PPM1L: variants seen among roughly 807,000 people sequenced by gnomAD.
The protein encoded by PPM1L is protein phosphatase, Mg2+/Mn2+ dependent 1L, also known as protein phosphatase 1L.
A neutral mutation model predicts 31.4 loss-of-function variants in PPM1L; 13 were observed. The observed-to-expected ratio is 0.41, with a 90% CI of 0.27 to 0.66. The LOEUF (loss-of-function observed/expected upper bound fraction) is 0.66. Among genes scored for constraint, PPM1L ranks in the 30% least tolerant of loss-of-function variants. The probability of loss-of-function intolerance (pLI) is 0.29; values close to 1 mark genes in which losing one functional copy is unlikely to be tolerated. For synonymous variants in PPM1L, 184 were observed against 175.4 expected (o/e 1.05, Z -0.39); for missense variants, 326 against 453.7 (o/e 0.72, Z 2.56).
At chr3:161,017,461 A>G (rs1268033144) in intron 2 of PPM1L, among the ~76,000 whole-genome samples, 1 of 152,146 alleles carries the variant, frequency 6.6e-6, no homozygotes, top group Non-Finnish European at 1.5e-5. Flanking sequence ...AAAACCTTCA[A>G]GTTTCGAGTA....
chr3:160,970,342 C>CA (rs1175858206), intron 2 of PPM1L, among the ~76,000 whole-genome samples: 1 of 151,822 alleles, frequency 6.6e-6, no homozygotes, highest in Non-Finnish European at 1.5e-5. Context: ...AATGGGTACT[C>CA]AAAATCCACT....
At chr3:160,872,805 T>C (rs560329549) in intron 1 of PPM1L, among the ~76,000 whole-genome samples, 70 of 152,196 alleles carry the variant, frequency 4.6e-4, no homozygotes, top group African/African-American at 1.6e-3. Context: ...CAGGCGCCTC[T>C]AGTCCCAGCC....
rs191044838 is a variant in PPM1L, at chr3:160,919,848, A to G, written c.400-41888A>G. Among the ~76,000 whole-genome samples, 348 of 152,302 alleles carry G rather than the reference A, an allele frequency of 2.3e-3. 2 individuals carry two copies. The highest frequency in any genetic ancestry group is 7.8e-3 in the African/African-American group (326 of 41,558). ...AATTGCTCTGTGAAACCTGGGCTCAATAAAACATTTTGTTTTCTTTTTATT... is the reference window on the plus strand; with the variant it reads ...AATTGCTCTGTGAAACCTGGGCTCAGTAAAACATTTTGTTTTCTTTTTATT... On this transcript the variant is annotated intron_variant, in intron 1 of 3. Transcript: ENST00000498165.
At chr3:160,848,152 A>G (rs1376037805) in intron 1 of PPM1L, among the ~76,000 whole-genome samples, 1 of 152,224 alleles carries the variant, frequency 6.6e-6, no homozygotes, top group Non-Finnish European at 1.5e-5. Context: ...GTATTCTGGA[A>G]TTAATGAATA....
At chr3:160,998,530 C>A (rs1717392926) in intron 2 of PPM1L, among the ~76,000 whole-genome samples, 1 of 152,002 alleles carries the variant, frequency 6.6e-6, no homozygotes, top group Non-Finnish European at 1.5e-5. Context: ...TCATTACCTT[C>A]TTCAGGGTCA....
intron 1 of PPM1L, among the ~76,000 whole-genome samples, chr3:160,785,854 A>G (rs1158307229): frequency 7.6e-6 from 1 of 130,844 alleles, no homozygotes; most frequent in Non-Finnish European, 1.6e-5. Context: ...TTTTTTACAT[A>G]TGTCTTTCCC....
At chr3:160,872,905 C>T (rs55956394) in intron 1 of PPM1L, among the ~76,000 whole-genome samples, 56,390 of 151,784 alleles carry the variant, frequency 0.37, 13,343 homozygotes, top group Non-Finnish European at 0.53. Context: ...CCAGCCTGGG[C>T]GGCACAGCGG....
At chr3:160,836,316 A>AAGAGAGAGAG (rs113812255) in intron 1 of PPM1L, among the ~76,000 whole-genome samples, 1 of 147,628 alleles carries the variant, frequency 6.8e-6, no homozygotes, top group African/African-American at 2.5e-5. Context: ...GAAGGAAAGG[A>AAGAGAGAGAG]AGAGAGAGAG....
chr3:160,976,040 T>A (rs1716559596), intron 2 of PPM1L, among the ~76,000 whole-genome samples: 1 of 132,188 alleles, frequency 7.6e-6, no homozygotes, highest in Non-Finnish European at 1.6e-5. Context: ...TATTTTGAAA[T>A]ACGTCCCATC....
At chr3:160,808,383 C>CTGTGTGTGTGTGTGTGTGTGTGTG (rs71912617) in intron 1 of PPM1L, among the ~76,000 whole-genome samples, 1 of 110,310 alleles carries the variant, frequency 9.1e-6, no homozygotes, top group Admixed American at 8.6e-5. Flanking sequence ...CAGGATTTTC[C>CTGTGTGTGTGTGTGTGTGTGTGTG]TGTGTGTGTG....
intron 2 of PPM1L, among the ~76,000 whole-genome samples, chr3:160,983,365 C>A (rs1473183882): frequency 6.6e-6 from 1 of 151,726 alleles, no homozygotes; most frequent in Non-Finnish European, 1.5e-5. Context: ...CAGCATTCCA[C>A]AGCCACTAAA....
chr3:160,887,353 C>G (rs1712950663), intron 1 of PPM1L, among the ~76,000 whole-genome samples: 1 of 151,974 alleles, frequency 6.6e-6, no homozygotes, highest in Non-Finnish European at 1.5e-5. Flanking sequence ...TCAGGAAATA[C>G]AGAGAACACC....
At chr3:160,804,252 A>C (rs2108079915) in intron 1 of PPM1L, among the ~76,000 whole-genome samples, 1 of 152,136 alleles carries the variant, frequency 6.6e-6, no homozygotes, top group South Asian at 2.1e-4. Context: ...ACTATAATTT[A>C]ACTTTTAAAA....
At chr3:160,930,106 T>C (rs1714734225) in intron 1 of PPM1L, among the ~76,000 whole-genome samples, 1 of 152,190 alleles carries the variant, frequency 6.6e-6, no homozygotes, top group African/African-American at 2.4e-5. Flanking sequence ...TACTTTTGAC[T>C]CTTTCATTTT....
chr3:160,866,876 GT>G (rs2108026200), intron 1 of PPM1L, among the ~76,000 whole-genome samples: 1 of 152,104 alleles, frequency 6.6e-6, no homozygotes, highest in South Asian at 2.1e-4. Context: ...ACAGAATCTT[GT>G]TCTGTCGCCT....
At chr3:160,914,946 C>A (rs1714111915) in intron 1 of PPM1L, among the ~76,000 whole-genome samples, 1 of 152,128 alleles carries the variant, frequency 6.6e-6, no homozygotes, top group Non-Finnish European at 1.5e-5. Flanking sequence ...TCCTCTCCAG[C>A]ACCTGTTGTT....
intron 1 of PPM1L, among the ~76,000 whole-genome samples, chr3:160,959,379 C>A (rs1036663023): frequency 1.3e-5 from 2 of 152,126 alleles, no homozygotes; most frequent in African/African-American, 4.8e-5. Flanking sequence ...GCACCAAAAT[C>A]TCAGAAATCA....
chr3:160,976,631 A>C (rs1321892309), intron 2 of PPM1L, among the ~76,000 whole-genome samples: 5 of 151,884 alleles, frequency 3.3e-5, no homozygotes, highest in Non-Finnish European at 7.4e-5. Context: ...GAATTTATCC[A>C]TTTCTTCTAG....
intron 2 of PPM1L, among the ~76,000 whole-genome samples, chr3:161,044,908 A>G (rs1719013967): frequency 6.6e-6 from 1 of 152,216 alleles, no homozygotes; most frequent in South Asian, 2.1e-4. Context: ...ATAGGCTCAA[A>G]ATAAAGGGAT....
Sources: gnomAD v4.1 joint callset for allele counts (sites outside exome capture counted in the v4.1 genomes callset) on GRCh38, gnomAD v4.1.1 for gene constraint, MANE v1.5 for transcripts, NCBI Gene and HGNC (gene_info 2026-07-23, HGNC 2026-07-21) for gene names.